The following ACADSB variants were observed in gnomAD, a reference collection of about 807,000 sequenced individuals.
ACADSB encodes the protein acyl-CoA dehydrogenase short/branched chain.
In ACADSB, 40 loss-of-function variants were observed where a neutral mutation model predicts 54.1. The ratio of observed to expected loss-of-function variants is 0.74; its 90% confidence interval spans 0.57 to 0.96. ACADSB has a LOEUF of 0.96. Ranked by LOEUF, ACADSB falls within the 40% of genes least tolerant of loss-of-function variation. The pLI, the probability that ACADSB is intolerant of heterozygous loss-of-function variation, is 0.00. For missense variants in ACADSB, 530 were observed against 510.4 expected, an observed-to-expected ratio of 1.04 and a Z score of -0.37; for synonymous variants, 182 against 182.8, an observed-to-expected ratio of 1.00 and a Z score of 0.03.
At chr10:123,026,363 C>T (rs945865927) in intron 1 of ACADSB, among the ~76,000 whole-genome samples, 3 of 152,130 alleles carry the variant, frequency 2.0e-5, no homozygotes, top group African/African-American at 7.2e-5. Context: ...GTTCAGAGCC[C>T]CTCTATCATC....
intron 1 of ACADSB, among the ~76,000 whole-genome samples, chr10:123,010,590 C>A (rs1274259922): frequency 6.6e-6 from 1 of 152,140 alleles, no homozygotes; most frequent in Non-Finnish European, 1.5e-5. Flanking sequence ...ACAGGTTATG[C>A]TTTGGGTCTC....
At chr10:123,022,167 C>T (rs1165874036) in intron 1 of ACADSB, among the ~76,000 whole-genome samples, 1 of 152,228 alleles carries the variant, frequency 6.6e-6, no homozygotes, top group Non-Finnish European at 1.5e-5. Context: ...CCAACTCTAG[C>T]CATGCCAAGT....
At position 123,053,772 on chromosome 10, in the gene ACADSB, T is replaced by C. The variant is rs765416953; in HGVS notation, c.*7T>C. 12 of 1,612,464 alleles carry C rather than the reference T, an allele frequency of 7.4e-6. No homozygotes were observed. The highest frequency in any genetic ancestry group is 9.3e-6 in the Non-Finnish European group (11 of 1,178,380). ...TATCGATGCAGAATACTGACGTCTA[T>C]AGGAGTGGGACCCCTCCCTGGTGTC... On this transcript the variant is annotated 3_prime_UTR_variant, in exon 11 of 11. Coordinates refer to ENST00000358776, the MANE Select transcript of ACADSB (RefSeq NM_001609.4).
intron 1 of ACADSB, among the ~76,000 whole-genome samples, chr10:123,026,631 C>G (rs1564748221): frequency 6.6e-6 from 1 of 151,644 alleles, no homozygotes; most frequent in Non-Finnish European, 1.5e-5. Flanking sequence ...TACTTGTACA[C>G]AGTGGACTAT....
chr10:123,053,711 A>C lies in ACADSB; in HGVS notation c.1245A>C (p.Gly415=). 2 of 1,614,036 alleles carry C rather than the reference A, an allele frequency of 1.2e-6. No individual in the cohort carries two copies. The highest frequency in any genetic ancestry group is 1.7e-6 in the Non-Finnish European group (2 of 1,179,882). Residue 415 remains glycine (G), a synonymous_variant, in exon 11 of 11, where the codon GGA becomes GGC. Coordinates refer to ENST00000358776, the MANE Select transcript of ACADSB (RefSeq NM_001609.4). ...TTGCTTAAGGTACGATATATGAAGG[A>C]GCTTCCAACATCCAGTTGAACACCA... The part of the protein sequence containing the change: ...RDAKIGTIYE[G]ASNIQLNTIA...
chr10:123,042,490 C>T lies in ACADSB; in HGVS notation c.682-556C>T, dbSNP rs1445537309. ...TTTTTTTTTTTTTGAGACGGAGTTT[C>T]GCTCTAGTTGCCTAGACTGGAGTGC... On this transcript the variant is annotated intron_variant, in intron 5 of 10. Transcript: ENST00000358776. Among the ~76,000 whole-genome samples, 270 of 87,874 alleles carry T rather than the reference C, an allele frequency of 3.1e-3. 1 individual carries two copies. Among genetic ancestry groups the T allele is most frequent in the African/African-American group, 0.012 (261 of 21,446 alleles). 57.6% of individuals were successfully genotyped at this position (87,874 alleles called of 152,430 possible).
At chr10:123,021,864 A>C (rs996412583) in intron 1 of ACADSB, among the ~76,000 whole-genome samples, 1 of 152,204 alleles carries the variant, frequency 6.6e-6, no homozygotes, top group Non-Finnish European at 1.5e-5. Flanking sequence ...TTTTTCTCCC[A>C]AAATAGGGTC....
intron 1 of ACADSB, among the ~76,000 whole-genome samples, chr10:123,017,518 A>T (rs1416677462): frequency 6.6e-6 from 1 of 152,144 alleles, no homozygotes; most frequent in Non-Finnish European, 1.5e-5. Context: ...GGATTTTACC[A>T]TCTTGGTCAG....
chr10:123,049,954 T>G (rs1192907515), intron 8 of ACADSB, among the ~76,000 whole-genome samples: 1 of 152,218 alleles, frequency 6.6e-6, no homozygotes, highest in Non-Finnish European at 1.5e-5. Flanking sequence ...AGTGAAAAGA[T>G]AAATCACAGG....
rs771079300 is a variant in ACADSB, at chr10:123,040,494, A to T, written c.332A>T (p.Tyr111Phe). The change falls in exon 4 of 11, where the codon TAT becomes TTT. Residue 111 changes from tyrosine (Y) to phenylalanine (F), a missense_variant. Tyr to Phe is a conservative substitution (Grantham distance 22). Transcript: ENST00000358776. ...GLMGIEVDPE[Y>F]GGTGASFLST... ...ATGGGTATTGAAGTTGACCCAGAAT[A>T]TGGAGGCACAGGAGCTTCATTTTTA... The T allele has an allele frequency of 1.9e-5, 31 of 1,614,034 alleles. No individual in the cohort carries two copies. Among genetic ancestry groups the T allele is most frequent in the Non-Finnish European group, 2.2e-5 (26 of 1,180,026 alleles).
At chr10:123,022,005 A>G (rs1850190853) in intron 1 of ACADSB, among the ~76,000 whole-genome samples, 1 of 152,202 alleles carries the variant, frequency 6.6e-6, no homozygotes, top group African/African-American at 2.4e-5. Flanking sequence ...AAGAGAATTA[A>G]AAAAAGCTTC....
chr10:123,035,904 C>T (rs1751655446), intron 2 of ACADSB, among the ~76,000 whole-genome samples: 1 of 152,128 alleles, frequency 6.6e-6, no homozygotes, highest in Admixed American at 6.5e-5. Flanking sequence ...TAAGGGCTCA[C>T]CTGATTAGGT....
At chr10:123,041,172 A>G in intron 4 of ACADSB, 37 bp from the exon 5 acceptor site, 2 of 1,601,100 alleles carry the variant, frequency 1.2e-6, no homozygotes, top group Non-Finnish European at 8.6e-7. Flanking sequence ...GTATAAATAC[A>G]GTTATTAATT....
chr10:123,040,287 G>T (rs1460070644), intron 3 of ACADSB, among the ~76,000 whole-genome samples, 179 bp from the exon 4 acceptor site: 1 of 151,940 alleles, frequency 6.6e-6, no homozygotes, highest in Non-Finnish European at 1.5e-5. Flanking sequence ...GGAGGTGGAG[G>T]TTGCAGTGAG....
At chr10:123,035,330 C>T (rs1344276051) in intron 2 of ACADSB, among the ~76,000 whole-genome samples, 3 of 152,084 alleles carry the variant, frequency 2.0e-5, no homozygotes, top group Non-Finnish European at 4.4e-5. Context: ...GGTTGAAACA[C>T]GGAGCCCAAA....
intron 1 of ACADSB, among the ~76,000 whole-genome samples, chr10:123,015,802 GT>G (rs1850103309): frequency 1.3e-5 from 2 of 151,422 alleles, no homozygotes; most frequent in South Asian, 4.1e-4. Flanking sequence ...AGATAAAACA[GT>G]CAGCAGCTCA....
rs1334153618 is a variant in ACADSB at position 123,026,604 on chromosome 10, A to G, written c.43-7752A>G. Reference sequence around the variant, plus strand: ...GCAGTCTAAGGTGGAGCCTAGTTCTAAAAACAAAAACCTTGGTACTTGTAC... The same window carrying G: ...GCAGTCTAAGGTGGAGCCTAGTTCTGAAAACAAAAACCTTGGTACTTGTAC... On this transcript the variant is annotated intron_variant, in intron 1 of 10. Coordinates refer to ENST00000358776, the MANE Select transcript of ACADSB (RefSeq NM_001609.4). 4.6e-5 allele frequency among the ~76,000 whole-genome samples: 7 copies of G among 152,302 alleles called. No homozygotes were observed. The South Asian group carries it at 1.2e-3, about 27-fold the overall frequency.
rs935928474 is a variant in ACADSB at position 123,057,539 on chromosome 10, C to G, written c.*3774C>G. On this transcript the variant is annotated 3_prime_UTR_variant, in exon 11 of 11. Coordinates refer to ENST00000358776, the MANE Select transcript of ACADSB (RefSeq NM_001609.4). ...CTAGCCATCAGCCTCCTGAAGCCTG[C>G]CATCATTGTTAATTTGAGGACTGGG... 6.6e-6 allele frequency: 1 copy of G among 152,174 alleles called. No individual in the cohort carries two copies. Among genetic ancestry groups the G allele is most frequent in the African/African-American group, 2.4e-5 (1 of 41,442 alleles). 9.4% of individuals were successfully genotyped at this position (152,174 alleles called of 1,614,324 possible).
rs1334772330 is a variant in ACADSB, at chr10:123,045,145, ATATATATATATATATATATATATATATT to A, written c.900+662_900+689del. 1.0e-3 allele frequency among the ~76,000 whole-genome samples: 12 copies of A among 11,520 alleles called. 1 individual carries two copies. The highest frequency in any genetic ancestry group is 8.5e-3 in the South Asian group (2 of 234). 7.6% of individuals were successfully genotyped at this position (11,520 alleles called of 152,430 possible). On this transcript the variant is annotated intron_variant, in intron 7 of 10. Coordinates refer to ENST00000358776, the MANE Select transcript of ACADSB (RefSeq NM_001609.4). ...TTTTGTAGAGTGTATATATATATAT[ATATATATATATATATATATATATATATT>A]TTTTTTTTTTTTTTTTTTTTTTTGA...
Sources: allele counts gnomAD v4.1 joint callset (sites outside exome capture counted in the v4.1 genomes callset), GRCh38; gene constraint gnomAD v4.1.1; transcripts MANE v1.5; gene names NCBI Gene and HGNC (gene_info 2026-07-23, HGNC 2026-07-21).